RANBP2: variants seen among roughly 807,000 people sequenced by gnomAD.
RANBP2 encodes E3 SUMO-protein ligase RanBP2.
A neutral mutation model predicts 303.6 loss-of-function variants in RANBP2; 57 were observed. The observed-to-expected ratio is 0.19, with a 90% CI of 0.15 to 0.23. RANBP2 has a LOEUF of 0.23. Ranked by LOEUF, RANBP2 falls within the 10% of genes least tolerant of loss-of-function variation. RANBP2 has a pLI of 1.00. For synonymous variants in RANBP2, 1,167 were observed against 1,301.5 expected (o/e 0.90, Z 2.23); for missense variants, 3,138 against 3,780.8 (o/e 0.83, Z 4.46).
At chr2:109,649,194 C>A in the RANBP2 span, among the ~76,000 whole-genome samples, 1 of 152,066 alleles carries the variant, frequency 6.6e-6, no homozygotes, top group African/African-American at 2.4e-5. Context: ...TGAGAAAAAG[C>A]AAGATTCATC....
the RANBP2 span, among the ~76,000 whole-genome samples, chr2:109,063,472 G>A: frequency 6.6e-6 from 1 of 152,188 alleles, no homozygotes; most frequent in Non-Finnish European, 1.5e-5. Context: ...GCGCATGGAG[G>A]ATGAATGCAG....
At chr2:109,513,241 C>T in the RANBP2 span, among the ~76,000 whole-genome samples, 1 of 152,162 alleles carries the variant, frequency 6.6e-6, no homozygotes, top group African/African-American at 2.4e-5. Context: ...ACACCTGACA[C>T]ACCACACACA....
the RANBP2 span, among the ~76,000 whole-genome samples, chr2:109,236,165 T>C: frequency 6.6e-6 from 1 of 152,200 alleles, no homozygotes; most frequent in South Asian, 2.1e-4. Flanking sequence ...GAACTCTTAA[T>C]CACTGCCAAA....
chr2:109,546,869 A>G, the RANBP2 span, among the ~76,000 whole-genome samples: 1 of 152,228 alleles, frequency 6.6e-6, no homozygotes, highest in Non-Finnish European at 1.5e-5. Context: ...AACATTGCCT[A>G]CATAGCCAAT....
chr2:109,229,707 A>C, the RANBP2 span, among the ~76,000 whole-genome samples: 1 of 152,072 alleles, frequency 6.6e-6, no homozygotes, highest in Non-Finnish European at 1.5e-5. Context: ...ACATCTAGGT[A>C]CCTCGTATAA....
At chr2:109,267,009 A>C in the RANBP2 span, among the ~76,000 whole-genome samples, 1 of 152,178 alleles carries the variant, frequency 6.6e-6, no homozygotes, top group Non-Finnish European at 1.5e-5. Flanking sequence ...CTTGAAGAAC[A>C]AACAATAATA....
downstream of RANBP2, chr2:108,788,969 A>G (rs752138723): frequency 1.4e-5 from 22 of 1,613,746 alleles, no homozygotes; most frequent in Non-Finnish European, 1.2e-5. Context: ...GTGAATTGGT[A>G]AAGTACCCTG....
the RANBP2 span, among the ~76,000 whole-genome samples, chr2:109,178,219 T>C: frequency 6.6e-6 from 1 of 152,234 alleles, no homozygotes; most frequent in Non-Finnish European, 1.5e-5. Context: ...TTTCATACAT[T>C]GCAGAGTCAT....
the RANBP2 span, among the ~76,000 whole-genome samples, chr2:109,479,013 C>T: frequency 6.6e-6 from 1 of 152,186 alleles, no homozygotes; most frequent in Non-Finnish European, 1.5e-5. Flanking sequence ...GAGCTGCAGC[C>T]TCCTGGAGGT....
chr2:109,092,231 A>G, the RANBP2 span, among the ~76,000 whole-genome samples: 1 of 152,098 alleles, frequency 6.6e-6, no homozygotes. Flanking sequence ...AGCCCTGAGG[A>G]ACAGGCCTGT....
At chr2:109,066,347 T>C in the RANBP2 span, among the ~76,000 whole-genome samples, 1 of 152,186 alleles carries the variant, frequency 6.6e-6, no homozygotes, top group African/African-American at 2.4e-5. Flanking sequence ...GACCTCGTGA[T>C]CTGCCCACCT....
the RANBP2 span, among the ~76,000 whole-genome samples, chr2:109,706,033 A>T: frequency 8.8e-4 from 134 of 152,206 alleles, no homozygotes; most frequent in African/African-American, 3.1e-3. Context: ...TCTTAGATTC[A>T]TGCCCCACCT....
chr2:108,786,142 T>G (rs1158232235), downstream of RANBP2, among the ~76,000 whole-genome samples: 8 of 150,016 alleles, frequency 5.3e-5, 1 homozygote, highest in South Asian at 1.3e-3. Flanking sequence ...AAAAAAAAAG[T>G]TTTTTTTCCA....
chr2:109,706,572 C>A, the RANBP2 span, among the ~76,000 whole-genome samples: 1 of 152,230 alleles, frequency 6.6e-6, no homozygotes, highest in Admixed American at 6.5e-5. Flanking sequence ...TCCCATGGCA[C>A]CAATTCCCTC....
the RANBP2 span, among the ~76,000 whole-genome samples, chr2:109,183,991 C>T: frequency 6.6e-6 from 1 of 152,324 alleles, no homozygotes; most frequent in African/African-American, 2.4e-5. Flanking sequence ...TAGAATGGAG[C>T]CCTGTGGTCC....
the RANBP2 span, among the ~76,000 whole-genome samples, chr2:109,671,189 G>C: frequency 6.6e-6 from 1 of 151,926 alleles, no homozygotes; most frequent in Admixed American, 6.6e-5. Flanking sequence ...GGATATTGGA[G>C]GCTGGAGGCT....
At chr2:108,958,848 TCCAGG>T in the RANBP2 span, among the ~76,000 whole-genome samples, 1 of 112,022 alleles carries the variant, frequency 8.9e-6, no homozygotes, top group East Asian at 1.6e-3. Context: ...TAGTGGGCTC[TCCAGG>T]CTCATGGCTG....
At chr2:108,977,580 CTTTT>C in the RANBP2 span, among the ~76,000 whole-genome samples, 1 of 152,074 alleles carries the variant, frequency 6.6e-6, no homozygotes, top group Admixed American at 6.6e-5. Context: ...AGGAGCTCGC[CTTTT>C]TTGAGTGTTC....
the RANBP2 span, among the ~76,000 whole-genome samples, chr2:109,670,329 G>A: frequency 1.4e-3 from 201 of 143,156 alleles, no homozygotes; most frequent in South Asian, 5.6e-3. Flanking sequence ...TGGGGGTGGG[G>A]GTTGGTTGGG....
Sources: allele counts gnomAD v4.1 joint callset (sites outside exome capture counted in the v4.1 genomes callset), GRCh38; gene constraint gnomAD v4.1.1; transcripts MANE v1.5; gene names NCBI Gene and HGNC (gene_info 2026-07-23, HGNC 2026-07-21).